The following TM4SF4 variants were observed in gnomAD, a reference collection of about 807,000 sequenced individuals.
TM4SF4 encodes the protein transmembrane 4 L6 family member 4.
In TM4SF4, 24 loss-of-function variants were observed where a neutral mutation model predicts 24.1. The observed-to-expected ratio is 1.00, with a 90% confidence interval of 0.72 to 1.40. The LOEUF is 1.40. Ranked by LOEUF, TM4SF4 falls within the 40% of genes most tolerant of loss-of-function variation. TM4SF4 has a pLI of 0.00. For synonymous variants in TM4SF4, 113 were observed against 97.0 expected (o/e 1.17, Z -0.97); for missense variants, 254 against 254.2 (o/e 1.00, Z 0.01).
chr3:149,494,073 T>G (rs1265687063), intron 3 of TM4SF4, among the ~76,000 whole-genome samples: 1 of 152,232 alleles, frequency 6.6e-6, no homozygotes, highest in Non-Finnish European at 1.5e-5. Flanking sequence ...AAACTGCTTC[T>G]GCTCTCCTTG....
At position 149,498,842 on chromosome 3, in the gene TM4SF4, C is replaced by A. The variant is rs9799030; in HGVS notation, c.522C>A (p.Cys174Ter). The change falls in exon 4 of 5, where the codon TGC becomes TGA. Residue 174 changes from cysteine (C) to a stop codon, truncating the protein, a stop_gained. Coordinates refer to ENST00000305354, the MANE Select transcript of TM4SF4 (RefSeq NM_004617.4). LOFTEE classifies it high-confidence loss of function. ...LVVGGIQMVLCAIQVVNGLLG... is the reference protein window; with the variant it reads ...LVVGGIQMVL ...TAGGAGGAATCCAGATGGTTCTCTG[C>A]GCCATCCAGGTGGTCAATGGCCTCC... 1.2e-5 allele frequency: 19 copies of A among 1,613,888 alleles called. No individual in the cohort carries two copies. The highest frequency in any genetic ancestry group is 1.5e-5 in the Non-Finnish European group (18 of 1,179,862).
intron 3 of TM4SF4, among the ~76,000 whole-genome samples, chr3:149,493,176 T>C (rs1734244694): frequency 6.6e-6 from 1 of 152,246 alleles, no homozygotes; most frequent in Admixed American, 6.5e-5. Flanking sequence ...TTTATTTTTA[T>C]GCATTAAAAC....
At chr3:149,492,727 C>T (rs1297969503) in intron 3 of TM4SF4, among the ~76,000 whole-genome samples, 3 of 152,176 alleles carry the variant, frequency 2.0e-5, no homozygotes, top group Non-Finnish European at 4.4e-5. Flanking sequence ...AGACACTGAA[C>T]TGAACACAGT....
intron 4 of TM4SF4, 96 bp from the exon 5 acceptor site, chr3:149,502,580 A>G: frequency 1.2e-6 from 1 of 847,962 alleles, no homozygotes; most frequent in Non-Finnish European, 2.1e-6. Context: ...ATTAAGAGCC[A>G]GGAGGAAGGC....
chr3:149,493,753 C>T (rs183934736), intron 3 of TM4SF4, among the ~76,000 whole-genome samples: 28 of 152,246 alleles, frequency 1.8e-4, no homozygotes, highest in Admixed American at 4.6e-4. Flanking sequence ...GTGATGGCAG[C>T]GCAGGGTCCA....
At chr3:149,502,565 C>T in intron 4 of TM4SF4, 111 bp from the exon 5 acceptor site, 1 of 784,212 alleles carries the variant, frequency 1.3e-6, no homozygotes, top group Admixed American at 1.8e-5. Flanking sequence ...ATTCAATAGG[C>T]AACCATTAAG....
rs1413932914 is a variant in TM4SF4 at position 149,503,154 on chromosome 3, A to C, written c.*461A>C. The C allele has an allele frequency of 1.3e-5, 2 of 153,534 alleles. No individual in the cohort carries two copies. Among genetic ancestry groups the C allele is most frequent in the African/African-American group, 4.8e-5 (2 of 41,462 alleles). The allele number at this position is 153,534 out of a possible 1,614,324, so 9.5% of individuals were successfully genotyped here. ...GAAAAAGAATGATTGATGTATCCTA[A>C]GTATTGTTATTTGTTGTCTTTTTTT... On this transcript the variant is annotated 3_prime_UTR_variant, in exon 5 of 5. Coordinates refer to ENST00000305354, the MANE Select transcript of TM4SF4 (RefSeq NM_004617.4).
chr3:149,491,295 C>CAAAAAAAAAAAAAAAAA (rs34935957), intron 3 of TM4SF4, among the ~76,000 whole-genome samples: 14 of 125,662 alleles, frequency 1.1e-4, no homozygotes, highest in South Asian at 6.0e-4. Flanking sequence ...CGCCCCTCTA[C>CAAAAAAAAAAAAAAAAA]AAAAAAAAAA....
At chr3:149,501,513 A>G (rs927448140) in intron 4 of TM4SF4, among the ~76,000 whole-genome samples, 1 of 152,242 alleles carries the variant, frequency 6.6e-6, no homozygotes, top group Admixed American at 6.5e-5. Flanking sequence ...GGACTCTTGG[A>G]AAGTAATTTT....
chr3:149,486,337 A>G (rs1458712411), intron 2 of TM4SF4, among the ~76,000 whole-genome samples: 2 of 152,224 alleles, frequency 1.3e-5, no homozygotes, highest in African/African-American at 4.8e-5. Flanking sequence ...ATGCAAAGTC[A>G]TTACACAGAG....
At chr3:149,491,500 A>T (rs903589726) in intron 3 of TM4SF4, among the ~76,000 whole-genome samples, 1 of 150,906 alleles carries the variant, frequency 6.6e-6, no homozygotes, top group Non-Finnish European at 1.5e-5. Context: ...ACAAAACAAA[A>T]ATATATATAT....
chr3:149,495,093 T>C (rs1202784601), intron 3 of TM4SF4: 3 of 259,148 alleles, frequency 1.2e-5, no homozygotes, highest in East Asian at 2.1e-4. Context: ...CAATTGTTGG[T>C]GTTAACAAAA....
Position 149,475,061 on chromosome 3 carries a change from G to T in TM4SF4, c.174+10G>T. The T allele has an allele frequency of 2.6e-6, 4 of 1,539,404 alleles. No homozygotes were observed. Among genetic ancestry groups the T allele is most frequent in the African/African-American group, 1.5e-5 (1 of 68,572 alleles). On this transcript the variant is annotated intron_variant, in intron 1 of 4. Coordinates refer to ENST00000305354, the MANE Select transcript of TM4SF4 (RefSeq NM_004617.4). ...AGGAAGCGGTGTCTTGGTGAGTAGGGAAGCTTAAAATCCCCCTAAGGGAGA... is the reference window on the plus strand; with the variant it reads ...AGGAAGCGGTGTCTTGGTGAGTAGGTAAGCTTAAAATCCCCCTAAGGGAGA...
At chr3:149,496,559 G>A (rs1332213695) in intron 3 of TM4SF4, among the ~76,000 whole-genome samples, 3 of 152,054 alleles carry the variant, frequency 2.0e-5, no homozygotes, top group Non-Finnish European at 2.9e-5. Flanking sequence ...ACCCGAGGTC[G>A]GGAGTTCGAG....
rs183569734 is a variant in TM4SF4 at position 149,475,748 on chromosome 3, C to T, written c.175-75C>T. ...CAAATCCCTCATTGTGGATGGGGCT[C>T]CTTATACAGTCAGGCAGGCTCGGGC... is the stretch of plus-strand genomic sequence containing the variant. On this transcript the variant is annotated intron_variant, in intron 1 of 4. Coordinates refer to ENST00000305354, the MANE Select transcript of TM4SF4 (RefSeq NM_004617.4). 1.8e-4 allele frequency: 225 copies of T among 1,281,360 alleles called. No homozygotes were observed. The African/African-American group carries it at 2.5e-3, about 14-fold the overall frequency. The allele number at this position is 1,281,360 out of a possible 1,614,324, so 79.4% of individuals were successfully genotyped here. A position where few individuals can be genotyped will look rare whatever the true frequency, so the allele number is the denominator to read the frequency against.
chr3:149,501,098 G>A (rs1734414749), intron 4 of TM4SF4, among the ~76,000 whole-genome samples: 1 of 151,344 alleles, frequency 6.6e-6, no homozygotes, highest in South Asian at 2.1e-4. Flanking sequence ...ATAATACTTT[G>A]CTAAATCTGA....
chr3:149,477,241 T>C (rs1005131598), intron 2 of TM4SF4, among the ~76,000 whole-genome samples: 1 of 152,232 alleles, frequency 6.6e-6, no homozygotes, highest in African/African-American at 2.4e-5. Context: ...TAATTTTTCA[T>C]TCATATAGTG....
chr3:149,495,118 C>T (rs943113459), intron 3 of TM4SF4: 3 of 257,380 alleles, frequency 1.2e-5, no homozygotes, highest in African/African-American at 6.8e-5. Context: ...TTCCACAGAG[C>T]CCCTCTACAG....
At chr3:149,493,427 T>C (rs1734252225) in intron 3 of TM4SF4, among the ~76,000 whole-genome samples, 1 of 152,232 alleles carries the variant, frequency 6.6e-6, no homozygotes, top group Non-Finnish European at 1.5e-5. Context: ...AGACCTAAGT[T>C]CAAACCCAGG....
Sources: gnomAD v4.1 joint callset for allele counts (sites outside exome capture counted in the v4.1 genomes callset) on GRCh38, gnomAD v4.1.1 for gene constraint, MANE v1.5 for transcripts, NCBI Gene and HGNC (gene_info 2026-07-23, HGNC 2026-07-21) for gene names.